The following BRD1 variants were observed in gnomAD, a reference collection of about 807,000 sequenced individuals.
The protein encoded by BRD1 is bromodomain-containing protein 1.
A neutral mutation model predicts 107.7 loss-of-function variants in BRD1; 24 were observed. The observed-to-expected ratio is 0.22, with a 90% CI of 0.16 to 0.31. The LOEUF (loss-of-function observed/expected upper bound fraction) is 0.31. Ranked by LOEUF, BRD1 falls within the 10% of genes least tolerant of loss-of-function variation. The pLI, the probability that BRD1 is intolerant of heterozygous loss-of-function variation, is 1.00. For missense variants in BRD1, 1,279 were observed against 1,638.6 expected (o/e 0.78, Z 3.79); for synonymous variants, 744 against 686.1 (o/e 1.08, Z -1.32).
At chr22:49,799,236 T>A in intron 3 of BRD1, 117 bp from the exon 4 acceptor site, 3 of 1,390,864 alleles carry the variant, frequency 2.2e-6, no homozygotes, top group Non-Finnish European at 2.9e-6. Context: ...TGCAGGCCCA[T>A]CCTGGGGAGG....
At chr22:49,777,657 G>A (rs2059126616) in intron 9 of BRD1, 21 bp downstream of exon 9, 2 of 1,597,728 alleles carry the variant, frequency 1.3e-6, no homozygotes, top group Non-Finnish European at 1.7e-6. Context: ...GTGGTGGGAA[G>A]CGCAGGGCCG....
At position 49,783,271 on chromosome 22, in the gene BRD1, G is replaced by A. The variant is rs1321648341; in HGVS notation, c.2857+4119C>T. Among the ~76,000 whole-genome samples, 9 of 152,382 alleles carry A rather than the reference G, an allele frequency of 5.9e-5. No individual in the cohort carries two copies. Among genetic ancestry groups the A allele is most frequent in the Middle Eastern group, 3.4e-3 (1 of 294 alleles). ...TCAGTTGGCCGCAGGGGCACTCAGC[G>A]TGGTGACCAGCAAGAGACAAACAGC... On this transcript the variant is annotated intron_variant, in intron 8 of 12. Transcript: ENST00000404760. This position sits in a 1 kb window ranked among gnomAD's most constrained non-coding sequence, Gnocchi z 4.2.
chr22:49,825,460 TCC>T (rs1375395027), intron 1 of BRD1, among the ~76,000 whole-genome samples: 2 of 152,168 alleles, frequency 1.3e-5, no homozygotes, highest in Non-Finnish European at 2.9e-5. Context: ...GCCTCTGCTG[TCC>T]CAACACCACG....
intron 3 of BRD1, 116 bp from the exon 4 acceptor site, chr22:49,799,235 A>G: frequency 7.1e-7 from 1 of 1,401,492 alleles, no homozygotes; most frequent in Non-Finnish European, 9.7e-7. Flanking sequence ...CTGCAGGCCC[A>G]TCCTGGGGAG....
At chr22:49,796,909 G>A (rs1294897488) in intron 6 of BRD1, among the ~76,000 whole-genome samples, 10 of 152,344 alleles carry the variant, frequency 6.6e-5, no homozygotes, top group Middle Eastern at 3.4e-3. Flanking sequence ...CAGAAGAAGC[G>A]ACCTAGCACG....
chr22:49,816,623 G>A (rs748278027), intron 2 of BRD1, among the ~76,000 whole-genome samples: 5 of 152,202 alleles, frequency 3.3e-5, no homozygotes, highest in African/African-American at 9.7e-5. Context: ...CTGGGGCTGG[G>A]CGAGGTGGCT....
At chr22:49,811,587 C>G (rs9616748) in intron 2 of BRD1, among the ~76,000 whole-genome samples, 1 of 152,200 alleles carries the variant, frequency 6.6e-6, no homozygotes, top group Non-Finnish European at 1.5e-5. Flanking sequence ...TCCCGGCAGG[C>G]AGGACACGAC....
chr22:49,809,828 G>A (rs992075438), intron 2 of BRD1, among the ~76,000 whole-genome samples: 2 of 152,168 alleles, frequency 1.3e-5, no homozygotes, highest in Non-Finnish European at 2.9e-5. Flanking sequence ...GAGCTACAAT[G>A]AGAACTGTTA....
At chr22:49,788,479 T>C (rs563745601) in intron 7 of BRD1, among the ~76,000 whole-genome samples, 33 of 152,218 alleles carry the variant, frequency 2.2e-4, no homozygotes, top group African/African-American at 7.2e-4. Flanking sequence ...TTCCCAAATA[T>C]TGTGATGGGA....
chr22:49,809,043 C>T (rs192559447), intron 2 of BRD1, among the ~76,000 whole-genome samples: 1 of 151,584 alleles, frequency 6.6e-6, no homozygotes. Context: ...TGCTTGAACC[C>T]GGGAGGAAGA....
At chr22:49,791,305 T>G (rs2059430370) in intron 7 of BRD1, among the ~76,000 whole-genome samples, 1 of 152,236 alleles carries the variant, frequency 6.6e-6, no homozygotes, top group Non-Finnish European at 1.5e-5. Context: ...GGGCCAACAG[T>G]GCAGCCCAGG....
Position 49,823,577 on chromosome 22 carries a change from C to A in BRD1, c.741G>T (p.Gly247=). The part of the protein sequence containing the change: ...CNLAVHQECY[G]VPYIPEGQWL... ...ACTGGCCCTCGGGGATGTAGGGCAC[C>A]CCGTAGCACTCCTGGTGCACGGCCA... The change falls in exon 2 of 13, where the codon GGG becomes GGT. Residue 247 remains glycine, a synonymous_variant. Transcript: ENST00000404760. The A allele has an allele frequency of 6.2e-7, 1 of 1,605,262 alleles. No homozygotes were observed. The highest frequency in any genetic ancestry group is 8.5e-7 in the Non-Finnish European group (1 of 1,174,918).
rs2147197189 is a variant in BRD1 at position 49,803,686 on chromosome 22, A to G, written c.1524+518T>C. On this transcript the variant is annotated intron_variant, in intron 3 of 12. Transcript: ENST00000404760. This position sits in a 1 kb window ranked among gnomAD's most constrained non-coding sequence, Gnocchi z 4.4. The stretch of plus-strand genomic sequence containing the variant: ...CCCTCCCACTCTCTCAGCTCTCTCG[A>G]GCCCTCCCCACCCCACCACAGTCCC... 6.6e-6 allele frequency among the ~76,000 whole-genome samples: 1 copy of G among 152,216 alleles called. No individual in the cohort carries two copies. The highest frequency in any genetic ancestry group is 2.1e-4 in the South Asian group (1 of 4,820).
At chr22:49,826,197 G>C (rs911047368) in intron 1 of BRD1, 2 of 985,410 alleles carry the variant, frequency 2.0e-6, no homozygotes, top group Non-Finnish European at 2.4e-6. Context: ...GCAAAGTCCT[G>C]AGTCGCCCTA....
chr22:49,804,399 A>G (rs201540167), intron 2 of BRD1, 39 bp from the exon 3 acceptor site: 5 of 1,552,680 alleles, frequency 3.2e-6, no homozygotes, highest in Middle Eastern at 1.7e-4. Flanking sequence ...GAAGCAGTAC[A>G]TTAAGATGTT....
At position 49,778,740 on chromosome 22, in the gene BRD1, C is replaced by A. The variant is rs888048834; in HGVS notation, c.2858-927G>T. ...GCAGTGGCACGATCTTGGCTCACTGCAAGCTCCACCTCCCGGGTTCACGCC... is the reference window on the plus strand; with the variant it reads ...GCAGTGGCACGATCTTGGCTCACTGAAAGCTCCACCTCCCGGGTTCACGCC... On this transcript the variant is annotated intron_variant, in intron 8 of 12. Coordinates refer to ENST00000404760, the MANE Select transcript of BRD1 (RefSeq NM_001304808.3). Among the ~76,000 whole-genome samples the A allele has an allele frequency of 5.3e-5, 8 of 152,304 alleles. No individual in the cohort carries two copies. The South Asian group carries it at 8.3e-4, about 16-fold the overall frequency.
chr22:49,778,912 C>T (rs1405276301), intron 8 of BRD1, among the ~76,000 whole-genome samples: 3 of 152,186 alleles, frequency 2.0e-5, no homozygotes, highest in East Asian at 3.8e-4. Flanking sequence ...CCGCCTGCCT[C>T]GGCCTCCCAA....
chr22:49,793,358 A>G (rs1279746692), intron 7 of BRD1, among the ~76,000 whole-genome samples: 1 of 152,102 alleles, frequency 6.6e-6, no homozygotes, highest in Non-Finnish European at 1.5e-5. Context: ...GGGTTTTGCT[A>G]GTTCTCCTTC....
At position 49,798,152 on chromosome 22, in the gene BRD1, C is replaced by T. The variant is rs572015070; in HGVS notation, c.1786-35G>A. On this transcript the variant is annotated intron_variant, in intron 5 of 12. Transcript: ENST00000404760. ...GGGAGGAAAAAGAATCATTTACAAA[C>T]TAAAACAGGATATTAGTTGACTCTA... is the stretch of plus-strand genomic sequence containing the variant. 19 of 1,550,148 alleles carry T rather than the reference C, an allele frequency of 1.2e-5. 1 individual carries two copies. The South Asian group carries it at 2.2e-4, about 18-fold the overall frequency.
Sources: gnomAD v4.1 joint callset for allele counts (sites outside exome capture counted in the v4.1 genomes callset) on GRCh38, gnomAD v4.1.1 for gene constraint, Gnocchi (gnomAD v3.1) non-coding constraint, MANE v1.5 for transcripts, NCBI Gene and HGNC (gene_info 2026-07-23, HGNC 2026-07-21) for gene names.